Variants in GDA observed in about 807,000 individuals in gnomAD.
GDA encodes guanine deaminase.
GDA carries 18 observed loss-of-function variants against 59.6 expected under a neutral mutation model. The observed-to-expected ratio is 0.30, with a 90% CI of 0.21 to 0.45. GDA has a LOEUF of 0.45. Ranked by LOEUF, GDA falls within the 20% of genes least tolerant of loss-of-function variation. The pLI is 1.00. For missense variants in GDA, 427 were observed against 552.3 expected, an observed-to-expected ratio of 0.77 and a Z score of 2.27; for synonymous variants, 201 against 201.1, an observed-to-expected ratio of 1.00 and a Z score of 0.00.
In GDA at chr9:72,250,523, C is replaced by A; in HGVS notation, c.*2181C>A. The A allele has an allele frequency of 7.1e-7, 1 of 1,410,458 alleles. No homozygotes were observed. The highest frequency in any genetic ancestry group is 9.2e-7 in the Non-Finnish European group (1 of 1,083,952). 87.4% of individuals were successfully genotyped at this position (1,410,458 alleles called of 1,614,324 possible). A position where few individuals can be genotyped will look rare whatever the true frequency, so the allele number is the denominator to read the frequency against. On this transcript the variant is annotated 3_prime_UTR_variant, in exon 14 of 14. Coordinates refer to ENST00000358399, the MANE Select transcript of GDA (RefSeq NM_004293.5). ...ATTTATATGTACTTTGATCTCTCCA[C>A]ATCACTTATAACTTATGTGTTTTAT...
chr9:72,141,849 GGCACA>G (rs1056582437), intron 1 of GDA, among the ~76,000 whole-genome samples: 2 of 152,138 alleles, frequency 1.3e-5, no homozygotes, highest in Non-Finnish European at 2.9e-5. Flanking sequence ...TTATCAATGT[GGCACA>G]TTAGAGATGT....
intron 1 of GDA, among the ~76,000 whole-genome samples, chr9:72,150,382 G>A (rs916285152): frequency 6.6e-6 from 1 of 151,794 alleles, no homozygotes; most frequent in East Asian, 1.9e-4. Flanking sequence ...ATCAAAGCAA[G>A]CAGTTCCATT....
intron 1 of GDA, among the ~76,000 whole-genome samples, chr9:72,153,471 C>T (rs1242374395): frequency 6.6e-6 from 1 of 151,022 alleles, no homozygotes; most frequent in Non-Finnish European, 1.5e-5. Flanking sequence ...CCAGCCATCC[C>T]ATTACTGGGT....
At chr9:72,137,723 A>C (rs927955154) in intron 1 of GDA, among the ~76,000 whole-genome samples, 46 of 152,216 alleles carry the variant, frequency 3.0e-4, no homozygotes, top group African/African-American at 1.1e-3. Context: ...TGTGCTGCTA[A>C]ACATCTTAGA....
At chr9:72,177,238 A>G (rs563684151) in intron 1 of GDA, among the ~76,000 whole-genome samples, 1 of 151,216 alleles carries the variant, frequency 6.6e-6, no homozygotes, top group African/African-American at 2.4e-5. Context: ...AGCTGGGATT[A>G]CAGGCACATA....
chr9:72,233,425 A>C (rs1388068730), intron 10 of GDA, among the ~76,000 whole-genome samples: 1 of 152,228 alleles, frequency 6.6e-6, no homozygotes, highest in Non-Finnish European at 1.5e-5. Context: ...TTCTATGAAA[A>C]GATTGTGGTA....
At chr9:72,140,937 C>A (rs887638786) in intron 1 of GDA, among the ~76,000 whole-genome samples, 1 of 152,096 alleles carries the variant, frequency 6.6e-6, no homozygotes, top group Non-Finnish European at 1.5e-5. Context: ...GCAGGAGGAT[C>A]GCTTGAGGTT....
At chr9:72,173,516 G>T (rs192046464) in intron 1 of GDA, among the ~76,000 whole-genome samples, 1 of 151,604 alleles carries the variant, frequency 6.6e-6, no homozygotes, top group African/African-American at 2.4e-5. Flanking sequence ...TTTTTCGGAG[G>T]GGCAGGATTT....
Position 72,149,607 on chromosome 9 carries a change from G to C in GDA, c.48G>C (p.Thr16=), listed in dbSNP as rs772684914. The part of the protein sequence containing the change: ...MPPLAHIFRG[T]FVHSTWTCPM... ...CCCTGGCGCACATCTTCCGAGGGAC[G>C]TTCGTCCACTCCACCTGGACCTGCC... The change falls in exon 1 of 14, where the codon ACG becomes ACC. Residue 16 remains threonine (T), a synonymous_variant. Transcript: ENST00000358399. The C allele has an allele frequency of 8.8e-5, 141 of 1,611,324 alleles. No individual in the cohort carries two copies. The highest frequency in any genetic ancestry group is 1.1e-4 in the Non-Finnish European group (127 of 1,179,018).
chr9:72,193,159 T>C (rs1233163179), intron 1 of GDA, among the ~76,000 whole-genome samples: 1 of 94,356 alleles, frequency 1.1e-5, no homozygotes, highest in African/African-American at 3.0e-5. Context: ...GGTTAGGTCA[T>C]TTTTTTTTTC....
intron 1 of GDA, among the ~76,000 whole-genome samples, chr9:72,189,689 A>G (rs1832297186): frequency 6.6e-6 from 1 of 152,144 alleles, no homozygotes; most frequent in Non-Finnish European, 1.5e-5. Context: ...AAAAATACAA[A>G]AGTTAGCCAG....
At position 72,250,235 on chromosome 9, in the gene GDA, G is replaced by A. The variant is rs1840553429; in HGVS notation, c.*1893G>A. On this transcript the variant is annotated 3_prime_UTR_variant, in exon 14 of 14. Coordinates refer to ENST00000358399, the MANE Select transcript of GDA (RefSeq NM_004293.5). ...GCAGGCTTAGGAATTTAGATGAGAT[G>A]TGTAAGATTCACTTACAGGCAGTAG... 2.0e-6 allele frequency: 2 copies of A among 990,018 alleles called. No individual in the cohort carries two copies. Among genetic ancestry groups the A allele is most frequent in the African/African-American group, 1.7e-5 (1 of 57,258 alleles). 61.3% of individuals were successfully genotyped at this position (990,018 alleles called of 1,614,324 possible).
At chr9:72,116,621 G>A (rs567001235) in intron 1 of GDA, among the ~76,000 whole-genome samples, 195 of 152,030 alleles carry the variant, frequency 1.3e-3, no homozygotes, top group African/African-American at 4.4e-3. Context: ...TCTTGACCTC[G>A]TGATCCACCT....
rs753768767 is a variant in GDA at position 72,214,729 on chromosome 9, T to C, written c.578+738T>C. 6.0e-5 allele frequency: 21 copies of C among 348,556 alleles called. 1 individual carries two copies. The highest frequency in any genetic ancestry group is 5.6e-4 in the East Asian group (5 of 8,944). 21.6% of individuals were successfully genotyped at this position (348,556 alleles called of 1,614,324 possible). A position where few individuals can be genotyped will look rare whatever the true frequency, so the allele number is the denominator to read the frequency against. ...ACTCTAAATTCAAAGTTCTTTTTTT[T>C]TTTTCTTTTCTTTTCTTTTTTTGAG... is the stretch of plus-strand genomic sequence containing the variant. On this transcript the variant is annotated intron_variant, in intron 5 of 13. Coordinates refer to ENST00000358399, the MANE Select transcript of GDA (RefSeq NM_004293.5).
intron 3 of GDA, among the ~76,000 whole-genome samples, chr9:72,209,362 C>G (rs1835092420): frequency 6.6e-6 from 1 of 151,938 alleles, no homozygotes; most frequent in Non-Finnish European, 1.5e-5. Context: ...TTTTCCTTTT[C>G]CTGAGCAATT....
intron 11 of GDA, 97 bp from the exon 12 acceptor site, chr9:72,245,049 TCC>T: frequency 4.5e-6 from 5 of 1,098,918 alleles, no homozygotes; most frequent in Middle Eastern, 2.1e-4. Context: ...TTTTTTTTTC[TCC>T]TAGCGACATG....
chr9:72,152,137 AAC>A (rs1288529368), intron 1 of GDA, among the ~76,000 whole-genome samples: 1 of 152,188 alleles, frequency 6.6e-6, no homozygotes, highest in Non-Finnish European at 1.5e-5. Flanking sequence ...GAATAACTGT[AAC>A]ACATAGTTTC....
At chr9:72,140,590 A>G (rs542631486) in intron 1 of GDA, among the ~76,000 whole-genome samples, 4 of 152,318 alleles carry the variant, frequency 2.6e-5, no homozygotes, top group African/African-American at 9.6e-5. Context: ...TTAGGATGAC[A>G]TGAGGAATGG....
intron 1 of GDA, among the ~76,000 whole-genome samples, chr9:72,185,156 A>G (rs897641820): frequency 1.3e-5 from 2 of 152,364 alleles, no homozygotes; most frequent in South Asian, 2.1e-4. Flanking sequence ...AAGTAGTTCA[A>G]TAGACACAAT....
Sources: allele counts gnomAD v4.1 joint callset (sites outside exome capture counted in the v4.1 genomes callset), GRCh38; gene constraint gnomAD v4.1.1; transcripts MANE v1.5; gene names NCBI Gene and HGNC (gene_info 2026-07-23, HGNC 2026-07-21).